The following RBM39 variants were observed in gnomAD, a reference collection of about 807,000 sequenced individuals.
RBM39 encodes RNA binding motif protein 39.
Under a neutral mutation model 79.6 loss-of-function variants are expected in RBM39, and 12 were observed. The ratio of observed to expected loss-of-function variants is 0.15; its 90% confidence interval spans 0.10 to 0.24. RBM39 has a LOEUF of 0.24. Among genes scored for constraint, RBM39 ranks in the 10% least tolerant of loss-of-function variants. The pLI, the probability that RBM39 is intolerant of heterozygous loss-of-function variation, is 1.00. For synonymous variants in RBM39, 185 were observed against 208.4 expected, an observed-to-expected ratio of 0.89 and a Z score of 0.97; for missense variants, 243 against 653.4, an observed-to-expected ratio of 0.37 and a Z score of 6.85.
intron 15 of RBM39, 192 bp downstream of exon 15, chr20:35,705,033 C>T (rs2035549360): frequency 5.0e-6 from 3 of 597,454 alleles, no homozygotes; most frequent in Non-Finnish European, 8.7e-6. Context: ...CCTCTCATAC[C>T]CTGATCAAAT....
chr20:35,734,648 ATTTTAACT>A (rs2039719261), intron 3 of RBM39: 1 of 408,896 alleles, frequency 2.4e-6, no homozygotes, highest in African/African-American at 2.1e-5. Context: ...TGGAGAGCTA[ATTTTAACT>A]TAAGGTCTTC....
chr20:35,707,527 T>C (rs180820727), intron 13 of RBM39: 12 of 196,278 alleles, frequency 6.1e-5, no homozygotes, highest in East Asian at 3.0e-4. Flanking sequence ...AAGGATAAAA[T>C]AGATTTGAGT....
intron 6 of RBM39, among the ~76,000 whole-genome samples, chr20:35,727,430 A>G (rs1437557247): frequency 6.6e-6 from 1 of 150,644 alleles, no homozygotes; most frequent in Non-Finnish European, 1.5e-5. Flanking sequence ...CCACAATGCT[A>G]CCACCTGACA....
intron 9 of RBM39, among the ~76,000 whole-genome samples, chr20:35,718,289 A>AAAAT (rs2037427566): frequency 6.6e-6 from 1 of 152,084 alleles, no homozygotes; most frequent in Non-Finnish European, 1.5e-5. Context: ...AAACAAAAAA[A>AAAAT]AAACGGGTAA....
chr20:35,715,819 A>G (rs1171165045), intron 10 of RBM39, among the ~76,000 whole-genome samples: 1 of 151,842 alleles, frequency 6.6e-6, no homozygotes, highest in Admixed American at 6.6e-5. Context: ...GGCTTGGTGC[A>G]CTCCCCCTGC....
intron 11 of RBM39, 188 bp downstream of exon 11, chr20:35,713,997 C>T (rs904376127): frequency 1.2e-5 from 7 of 598,134 alleles, no homozygotes; most frequent in Non-Finnish European, 2.0e-5. Flanking sequence ...GCATTCAAAA[C>T]ACATAATATA....
At chr20:35,715,458 G>A (rs2036990141) in intron 10 of RBM39, among the ~76,000 whole-genome samples, 1 of 152,184 alleles carries the variant, frequency 6.6e-6, no homozygotes. Flanking sequence ...TCACAGGCGT[G>A]AGCCACCACA....
intron 6 of RBM39, among the ~76,000 whole-genome samples, chr20:35,728,407 C>A (rs1393659474): frequency 6.6e-6 from 1 of 152,172 alleles, no homozygotes; most frequent in Non-Finnish European, 1.5e-5. Context: ...TACCCATATA[C>A]ATAATCATTA....
At chr20:35,727,240 T>G (rs573176678) in intron 6 of RBM39, among the ~76,000 whole-genome samples, 13 of 151,848 alleles carry the variant, frequency 8.6e-5, no homozygotes, top group African/African-American at 2.2e-4. Flanking sequence ...TCCCAGCTAC[T>G]CGGGAGGCTA....
At chr20:35,705,374 C>T in intron 14 of RBM39, 44 bp from the exon 15 acceptor site, 1 of 1,038,684 alleles carries the variant, frequency 9.6e-7, no homozygotes, top group South Asian at 1.4e-5. Context: ...TTGAAACTAA[C>T]AAACTATATA....
chr20:35,724,942 C>A, intron 7 of RBM39, 96 bp downstream of exon 7: 1 of 1,047,868 alleles, frequency 9.5e-7, no homozygotes, highest in Non-Finnish European at 1.4e-6. Flanking sequence ...TTACCACAAA[C>A]AAATACTGCT....
chr20:35,726,750 G>T (rs182271243), intron 6 of RBM39, among the ~76,000 whole-genome samples: 1 of 152,072 alleles, frequency 6.6e-6, no homozygotes, highest in South Asian at 2.1e-4. Context: ...GCCTAAACAC[G>T]ATCTTTTCCA....
At chr20:35,725,005 C>T (rs1431976400) in intron 7 of RBM39, 33 bp downstream of exon 7, 7 of 1,409,616 alleles carry the variant, frequency 5.0e-6, no homozygotes, top group Non-Finnish European at 5.9e-6. Flanking sequence ...GCAATTTCTA[C>T]CTACTTGACC....
At chr20:35,734,140 A>T in intron 3 of RBM39, 2 of 1,146,474 alleles carry the variant, frequency 1.7e-6, no homozygotes, top group Non-Finnish European at 2.3e-6. Flanking sequence ...ACCTGTAAGC[A>T]GGTCATCTTT....
chr20:35,737,732 C>G (rs1175790642), intron 3 of RBM39, among the ~76,000 whole-genome samples: 3 of 151,038 alleles, frequency 2.0e-5, no homozygotes, highest in Non-Finnish European at 4.4e-5. Context: ...GCCTGTAGTC[C>G]CTGCTACCTG....
rs982742509 is a variant in RBM39 at position 35,704,929 on chromosome 20, T to C, written c.1414-183A>G. The C allele has an allele frequency of 1.8e-5, 11 of 610,130 alleles. No individual in the cohort carries two copies. The African/African-American group carries it at 2.0e-4, about 11-fold the overall frequency. The allele number at this position is 610,130 out of a possible 1,614,324, so 37.8% of individuals were successfully genotyped here. A position where few individuals can be genotyped will look rare whatever the true frequency, so the allele number is the denominator to read the frequency against. On this transcript the variant is annotated intron_variant, in intron 15 of 16. Coordinates refer to ENST00000253363, the MANE Select transcript of RBM39 (RefSeq NM_184234.3). ...TAAAAAATGACTTCTACTCTCAAAT[T>C]TGCCGTTTTATCTTTTCTCTACGAT...
chr20:35,707,598 A>G (rs905592521), intron 13 of RBM39: 22 of 197,436 alleles, frequency 1.1e-4, no homozygotes, highest in Non-Finnish European at 1.8e-4. Flanking sequence ...ATAAATCTAT[A>G]TCCTTTCCTA....
intron 8 of RBM39, 53 bp downstream of exon 8, chr20:35,724,517 A>G: frequency 6.3e-7 from 1 of 1,577,518 alleles, no homozygotes; most frequent in Non-Finnish European, 8.7e-7. Flanking sequence ...ACCATGCAAC[A>G]GGAGGCTTTC....
intron 4 of RBM39, among the ~76,000 whole-genome samples, chr20:35,730,416 C>A (rs958767799): frequency 6.6e-6 from 1 of 152,130 alleles, no homozygotes; most frequent in Non-Finnish European, 1.5e-5. Context: ...TTCATGAACA[C>A]CATGCCTACC....
Sources: allele counts gnomAD v4.1 joint callset (sites outside exome capture counted in the v4.1 genomes callset), GRCh38; gene constraint gnomAD v4.1.1; transcripts MANE v1.5; gene names NCBI Gene and HGNC (gene_info 2026-07-23, HGNC 2026-07-21).